BANF2: variants seen among roughly 807,000 people sequenced by gnomAD.
BANF2 encodes barrier-to-autointegration factor-like protein.
A neutral mutation model predicts 8.0 loss-of-function variants in BANF2; 4 were observed. That is an observed-to-expected ratio of 0.50 (90% CI 0.25 to 1.14). The LOEUF is 1.14. Ranked by LOEUF, BANF2 falls within the 50% of genes most tolerant of loss-of-function variation. The probability of loss-of-function intolerance (pLI) is 0.16; values close to 1 mark genes in which losing one functional copy is unlikely to be tolerated. For missense variants in BANF2, 96 were observed against 107.5 expected (o/e 0.89, Z 0.47); for synonymous variants, 50 against 40.6 (o/e 1.23, Z -0.88).
At chr20:17,699,122 C>A (rs183463339), upstream of BANF2, among the ~76,000 whole-genome samples, 24 of 152,260 alleles carry the variant, frequency 1.6e-4, no homozygotes, top group Middle Eastern at 3.4e-3. Flanking sequence ...TCTAATGCAA[C>A]CTACAGTTTA....
intron 2 of BANF2, 102 bp downstream of exon 2, chr20:17,722,980 C>A: frequency 1.3e-6 from 1 of 798,396 alleles, no homozygotes; most frequent in Non-Finnish European, 1.5e-6. Flanking sequence ...ATGTCCTCAG[C>A]AGAGGGGCTG....
intron 3 of BANF2, among the ~76,000 whole-genome samples, chr20:17,732,705 C>T (rs116914463): frequency 0.025 from 3,808 of 152,292 alleles, 74 homozygotes; most frequent in Non-Finnish European, 0.036. Context: ...CCTGGCTTGG[C>T]CATGGCCACG....
chr20:17,729,634 G>T (rs1442877717), intron 3 of BANF2, among the ~76,000 whole-genome samples: 1 of 152,212 alleles, frequency 6.6e-6, no homozygotes, highest in African/African-American at 2.4e-5. Context: ...TACTTGGGAG[G>T]CTGAGGTGGG....
intron 1 of BANF2, among the ~76,000 whole-genome samples, chr20:17,720,178 T>A (rs899364065): frequency 6.6e-6 from 1 of 152,262 alleles, no homozygotes; most frequent in South Asian, 2.1e-4. Context: ...AGTATGGCAA[T>A]TCCTCAAAAA....
intron 3 of BANF2, among the ~76,000 whole-genome samples, chr20:17,734,226 G>A (rs1003025312): frequency 2.0e-4 from 30 of 152,210 alleles, no homozygotes; most frequent in Non-Finnish European, 4.4e-5. Flanking sequence ...GAAAGCTTGA[G>A]AATGCCATAA....
chr20:17,735,637 T>C, intron 3 of BANF2, 28 bp from the exon 4 acceptor site: 1 of 1,608,764 alleles, frequency 6.2e-7, no homozygotes, highest in East Asian at 2.2e-5. Context: ...CCTTTCCTGC[T>C]TTCCTCCCTG....
intron 1 of BANF2, among the ~76,000 whole-genome samples, chr20:17,701,535 G>A (rs2037409251): frequency 6.6e-6 from 1 of 152,140 alleles, no homozygotes. Context: ...TGCAGGCCAC[G>A]GCTCTTCCAT....
intron 3 of BANF2, chr20:17,731,269 A>G (rs34747832): frequency 0.15 from 23,117 of 152,098 alleles, 1,834 homozygotes; most frequent in African/African-American, 0.17. Context: ...TCTCAAAATA[A>G]AAGAAGAAGA....
chr20:17,703,642 A>T (rs979964437), intron 1 of BANF2, among the ~76,000 whole-genome samples: 2 of 151,554 alleles, frequency 1.3e-5, no homozygotes. Context: ...AGAAGGCCTC[A>T]CTCACACAGC....
At chr20:17,714,881 C>T (rs434445) in intron 1 of BANF2, among the ~76,000 whole-genome samples, 12,919 of 152,150 alleles carry the variant, frequency 0.085, 643 homozygotes, top group Non-Finnish European at 0.11. Context: ...GTCTCCCCGC[C>T]CTGTGCCCCC....
intron 1 of BANF2, among the ~76,000 whole-genome samples, chr20:17,702,300 T>C (rs991465467): frequency 1.3e-5 from 2 of 152,230 alleles, no homozygotes; most frequent in Non-Finnish European, 2.9e-5. Context: ...GAACTCCCTG[T>C]GGGCCCGCCT....
intron 1 of BANF2, among the ~76,000 whole-genome samples, chr20:17,711,976 C>T (rs1457210594): frequency 6.6e-6 from 1 of 152,186 alleles, no homozygotes; most frequent in Non-Finnish European, 1.5e-5. Flanking sequence ...CTCCGTCCTT[C>T]CTAAAGAGTG....
upstream of BANF2, among the ~76,000 whole-genome samples, chr20:17,699,131 TA>T (rs1184775795): frequency 6.6e-6 from 1 of 152,174 alleles, no homozygotes; most frequent in Non-Finnish European, 1.5e-5. Flanking sequence ...ACCTACAGTT[TA>T]AGACCCACTG....
In BANF2 at chr20:17,735,723, G is replaced by C; in HGVS notation, c.185G>C (p.Arg62Thr). 6.2e-7 allele frequency: 1 copy of C among 1,613,834 alleles called. No individual in the cohort carries two copies. Among genetic ancestry groups the C allele is most frequent in the Middle Eastern group, 1.7e-4 (1 of 6,060 alleles). ...LMHKNEAEFQ[R>T]WLICCFGATE... ...CACAAGAATGAAGCCGAGTTTCAGA[G>C]GTGGCTCATTTGCTGTTTTGGTGCC... The change falls in exon 4 of 4, where the codon AGG becomes ACG. Residue 62 changes from arginine to threonine, a missense_variant. Transcript: ENST00000246090.
intron 1 of BANF2, among the ~76,000 whole-genome samples, chr20:17,719,456 A>T (rs771088778): frequency 2.0e-5 from 3 of 151,896 alleles, no homozygotes; most frequent in Non-Finnish European, 4.4e-5. Flanking sequence ...TGAACAGGTC[A>T]TTTACCTTCT....
intron 1 of BANF2, chr20:17,712,407 T>C (rs399077): frequency 1 from 395,143 of 396,092 alleles, 197,102 homozygotes; most frequent in East Asian, 1. Flanking sequence ...CAGAAGTGAC[T>C]GTTGTTGTCA....
intron 3 of BANF2, among the ~76,000 whole-genome samples, chr20:17,729,392 T>C (rs2037861022): frequency 6.6e-6 from 1 of 152,182 alleles, no homozygotes; most frequent in African/African-American, 2.4e-5. Flanking sequence ...GGCTCCTTTT[T>C]CTGAGCAGTT....
intron 3 of BANF2, among the ~76,000 whole-genome samples, chr20:17,728,136 G>A (rs2037836194): frequency 6.6e-6 from 1 of 152,168 alleles, no homozygotes; most frequent in Non-Finnish European, 1.5e-5. Flanking sequence ...CCAAGGTGCA[G>A]CCATCACCCT....
At chr20:17,709,532 G>A (rs561930360) in intron 1 of BANF2, among the ~76,000 whole-genome samples, 9 of 152,310 alleles carry the variant, frequency 5.9e-5, no homozygotes, top group Admixed American at 5.2e-4. Context: ...AGCTCCACCT[G>A]TACACAAGAT....
Sources: gnomAD v4.1 joint callset for allele counts (sites outside exome capture counted in the v4.1 genomes callset) on GRCh38, gnomAD v4.1.1 for gene constraint, MANE v1.5 for transcripts, NCBI Gene and HGNC (gene_info 2026-07-23, HGNC 2026-07-21) for gene names.